Variants in RAB38 observed in about 807,000 individuals in gnomAD.
The protein encoded by RAB38 is RAB38, member RAS oncogene family, also known as ras-related protein Rab-38.
Under a neutral mutation model 18.4 loss-of-function variants are expected in RAB38, and 15 were observed. That is an observed-to-expected ratio of 0.82 (90% CI 0.55 to 1.26). RAB38 has a LOEUF of 1.26. Ranked by LOEUF, RAB38 falls within the 50% of genes most tolerant of loss-of-function variation. The pLI is 0.00. For missense variants in RAB38, 294 were observed against 267.4 expected, an observed-to-expected ratio of 1.10 and a Z score of -0.69; for synonymous variants, 101 against 104.4, an observed-to-expected ratio of 0.97 and a Z score of 0.20.
the RAB38 span, among the ~76,000 whole-genome samples, chr11:87,888,220 A>C: frequency 6.6e-6 from 1 of 151,980 alleles, no homozygotes; most frequent in Non-Finnish European, 1.5e-5. Flanking sequence ...ACCCAAGTTT[A>C]TGCACACAGA....
the RAB38 span, among the ~76,000 whole-genome samples, chr11:88,027,429 C>T: frequency 2.0e-5 from 3 of 152,046 alleles, no homozygotes; most frequent in South Asian, 2.1e-4. Flanking sequence ...CATTGCCTCA[C>T]CTGGGAAGCA....
At chr11:88,038,857 T>A in the RAB38 span, among the ~76,000 whole-genome samples, 1 of 152,338 alleles carries the variant, frequency 6.6e-6, no homozygotes, top group Non-Finnish European at 1.5e-5. Context: ...ATCTAAGATA[T>A]AATCCACATT....
At chr11:87,945,158 G>A in the RAB38 span, among the ~76,000 whole-genome samples, 639 of 152,208 alleles carry the variant, frequency 4.2e-3, 4 homozygotes, top group Non-Finnish European at 7.4e-3. Context: ...GTTTTCTTTC[G>A]AGAGTAGAAT....
chr11:88,052,563 A>G, the RAB38 span, among the ~76,000 whole-genome samples: 3 of 152,188 alleles, frequency 2.0e-5, no homozygotes, highest in African/African-American at 7.2e-5. Flanking sequence ...TTAGGTCTGT[A>G]TTTGAATTTT....
the RAB38 span, among the ~76,000 whole-genome samples, chr11:87,952,625 A>T: frequency 1.3e-5 from 2 of 152,164 alleles, no homozygotes; most frequent in Non-Finnish European, 1.5e-5. Context: ...CCAACATCAC[A>T]GTATTGTAAT....
chr11:88,143,041 T>C (rs1215194671), intron 2 of RAB38, among the ~76,000 whole-genome samples: 1 of 152,222 alleles, frequency 6.6e-6, no homozygotes, highest in Admixed American at 6.5e-5. Context: ...ACTTATTATA[T>C]AAGGTCAGAC....
At chr11:87,931,063 C>T in the RAB38 span, among the ~76,000 whole-genome samples, 1 of 151,972 alleles carries the variant, frequency 6.6e-6, no homozygotes, top group East Asian at 1.9e-4. Flanking sequence ...TTTTTGGTCC[C>T]ATAGAACTTT....
At chr11:87,934,986 G>T in the RAB38 span, among the ~76,000 whole-genome samples, 1 of 152,048 alleles carries the variant, frequency 6.6e-6, no homozygotes, top group African/African-American at 2.4e-5. Context: ...ACAGTGTCCT[G>T]TGGCCACGGT....
At chr11:87,958,110 A>G in the RAB38 span, among the ~76,000 whole-genome samples, 2 of 152,032 alleles carry the variant, frequency 1.3e-5, no homozygotes, top group Admixed American at 1.3e-4. Flanking sequence ...AATATACTGT[A>G]CTCTACTCTT....
At chr11:87,951,073 CTTTG>C in the RAB38 span, among the ~76,000 whole-genome samples, 1,039 of 152,260 alleles carry the variant, frequency 6.8e-3, 8 homozygotes, top group African/African-American at 0.023. Context: ...TTCTTGGAGG[CTTTG>C]TTTATTTCTT....
chr11:87,885,946 T>C, the RAB38 span, among the ~76,000 whole-genome samples: 1 of 152,130 alleles, frequency 6.6e-6, no homozygotes, highest in South Asian at 2.1e-4. Context: ...TGGTATTCTG[T>C]TGGGAGAAAT....
chr11:88,130,928 A>G (rs1004643757), intron 2 of RAB38, among the ~76,000 whole-genome samples: 2 of 152,198 alleles, frequency 1.3e-5, no homozygotes, highest in Non-Finnish European at 2.9e-5. Flanking sequence ...ACTTCAGTTC[A>G]TTGTTGGTAA....
the RAB38 span, among the ~76,000 whole-genome samples, chr11:88,023,871 T>G: frequency 6.6e-6 from 1 of 152,282 alleles, no homozygotes; most frequent in Non-Finnish European, 1.5e-5. Flanking sequence ...GATCCATATC[T>G]CTCACCTTAT....
chr11:87,826,637 A>T, the RAB38 span, among the ~76,000 whole-genome samples: 5 of 152,166 alleles, frequency 3.3e-5, no homozygotes, highest in Admixed American at 6.6e-5. Context: ...TACATACATC[A>T]TATTATTTAG....
chr11:87,839,446 C>T, the RAB38 span, among the ~76,000 whole-genome samples: 1 of 152,182 alleles, frequency 6.6e-6, no homozygotes, highest in South Asian at 2.1e-4. Context: ...TATTTGGCTG[C>T]TTTCTAATTA....
At chr11:88,045,041 C>A in the RAB38 span, among the ~76,000 whole-genome samples, 3 of 152,166 alleles carry the variant, frequency 2.0e-5, no homozygotes, top group Admixed American at 6.5e-5. Context: ...CTTTATCTGA[C>A]CTCTCCCAAA....
At chr11:87,906,745 G>C in the RAB38 span, among the ~76,000 whole-genome samples, 1 of 151,832 alleles carries the variant, frequency 6.6e-6, no homozygotes, top group Non-Finnish European at 1.5e-5. Flanking sequence ...TGCCATGGCT[G>C]TACAAACCTC....
chr11:87,966,069 AG>A, the RAB38 span, among the ~76,000 whole-genome samples: 1 of 152,102 alleles, frequency 6.6e-6, no homozygotes, highest in African/African-American at 2.4e-5. Context: ...CTCAAGAAAA[AG>A]TTTTAGGTCT....
At chr11:88,030,939 AG>A in the RAB38 span, among the ~76,000 whole-genome samples, 2 of 151,724 alleles carry the variant, frequency 1.3e-5, no homozygotes, top group African/African-American at 4.8e-5. Context: ...AGAGAATTTT[AG>A]ACCAATATCC....
Sources: allele counts gnomAD v4.1 joint callset (sites outside exome capture counted in the v4.1 genomes callset), GRCh38; gene constraint gnomAD v4.1.1; transcripts MANE v1.5; gene names NCBI Gene and HGNC (gene_info 2026-07-23, HGNC 2026-07-21).